Variants in ULK4 observed in about 807,000 individuals in gnomAD.
The protein encoded by ULK4 is inactive serine/threonine-protein kinase ULK4.
A neutral mutation model predicts 160.6 loss-of-function variants in ULK4; 133 were observed. That is an observed-to-expected ratio of 0.83 (90% confidence interval 0.72 to 0.96). The LOEUF (loss-of-function observed/expected upper bound fraction) is 0.96, where lower values mean the gene tolerates loss of function less well. Ranked by LOEUF, ULK4 falls within the 40% of genes least tolerant of loss-of-function variation. ULK4 has a pLI of 0.00. For missense variants in ULK4, 1,580 were observed against 1,499.5 expected (o/e 1.05, Z -0.89); for synonymous variants, 534 against 539.8 (o/e 0.99, Z 0.15).
At chr3:41,950,904 G>A (rs574776511) in intron 2 of ULK4, among the ~76,000 whole-genome samples, 1 of 151,688 alleles carries the variant, frequency 6.6e-6, no homozygotes, top group Admixed American at 6.6e-5. Flanking sequence ...CAGCACTTTG[G>A]GAGGCCGAAG....
chr3:41,511,596 T>C (rs1376098813), intron 32 of ULK4, among the ~76,000 whole-genome samples: 3 of 152,016 alleles, frequency 2.0e-5, no homozygotes, highest in Non-Finnish European at 2.9e-5. Flanking sequence ...CAGTAAGATA[T>C]AGAAACTCTG....
intron 2 of ULK4, among the ~76,000 whole-genome samples, chr3:41,950,735 G>C (rs1321564261): frequency 6.6e-6 from 1 of 151,924 alleles, no homozygotes; most frequent in African/African-American, 2.4e-5. Flanking sequence ...AGGAAATCAA[G>C]AAAACAACTT....
intron 27 of ULK4, among the ~76,000 whole-genome samples, chr3:41,685,210 C>T (rs935597094): frequency 1.3e-5 from 2 of 152,104 alleles, no homozygotes; most frequent in Non-Finnish European, 2.9e-5. Flanking sequence ...GACTGCTTGC[C>T]CTAAAAGGTT....
At chr3:41,547,845 C>A (rs1279054446) in intron 32 of ULK4, among the ~76,000 whole-genome samples, 1 of 152,166 alleles carries the variant, frequency 6.6e-6, no homozygotes, top group African/African-American at 2.4e-5. Context: ...ATGCGGTGTC[C>A]TACACCATGA....
intron 32 of ULK4, among the ~76,000 whole-genome samples, chr3:41,526,185 G>T (rs72619993): frequency 3.8e-3 from 202 of 53,826 alleles, no homozygotes; most frequent in African/African-American, 6.9e-3. Context: ...TGTATGATTC[G>T]TCTTCTTTTT....
chr3:41,674,877 G>A (rs1036280515), intron 29 of ULK4, among the ~76,000 whole-genome samples: 2 of 152,172 alleles, frequency 1.3e-5, no homozygotes, highest in Non-Finnish European at 2.9e-5. Context: ...CATGGGTTGA[G>A]TAATTGCCCC....
intron 29 of ULK4, among the ~76,000 whole-genome samples, chr3:41,668,452 T>C (rs2035423170): frequency 6.6e-6 from 1 of 152,256 alleles, no homozygotes. Context: ...TACCATTGTG[T>C]TACAGTTGCC....
chr3:41,532,447 T>G (rs750935571), intron 32 of ULK4, among the ~76,000 whole-genome samples: 15 of 152,252 alleles, frequency 9.9e-5, no homozygotes, highest in Non-Finnish European at 1.9e-4. Flanking sequence ...TCTAGCATCA[T>G]CTAACAAACT....
At chr3:41,707,989 T>C (rs1040021844) in intron 25 of ULK4, among the ~76,000 whole-genome samples, 1 of 151,976 alleles carries the variant, frequency 6.6e-6, no homozygotes, top group Non-Finnish European at 1.5e-5. Context: ...TAAGAATGGC[T>C]ATTATCAAAA....
intron 35 of ULK4, among the ~76,000 whole-genome samples, chr3:41,362,289 A>T (rs928326254): frequency 2.6e-5 from 4 of 152,046 alleles, no homozygotes; most frequent in African/African-American, 7.2e-5. Flanking sequence ...TTATTCTGGA[A>T]TTTTTTTTAG....
intron 21 of ULK4, among the ~76,000 whole-genome samples, chr3:41,772,673 C>T (rs2039437488): frequency 6.6e-6 from 1 of 152,162 alleles, no homozygotes; most frequent in Admixed American, 6.5e-5. Context: ...CCTTCTGAAA[C>T]TATTCCAATC....
At chr3:41,433,823 C>T (rs376732427) in intron 34 of ULK4, among the ~76,000 whole-genome samples, 5 of 152,256 alleles carry the variant, frequency 3.3e-5, no homozygotes, top group South Asian at 4.1e-4. Flanking sequence ...GGGTTCACGC[C>T]GTTCTCCTGC....
chr3:41,819,370 T>C (rs968963239), intron 19 of ULK4, 53 bp downstream of exon 19: 26 of 1,553,064 alleles, frequency 1.7e-5, no homozygotes, highest in Non-Finnish European at 2.2e-5. Context: ...ATACAGTGCC[T>C]GAAGGGTTAT....
chr3:41,376,166 C>T (rs1228003017), intron 35 of ULK4, among the ~76,000 whole-genome samples: 1 of 150,262 alleles, frequency 6.7e-6, no homozygotes, highest in Non-Finnish European at 1.5e-5. Flanking sequence ...GAAATTTACA[C>T]TGTTGGTGGG....
At chr3:41,898,741 T>G (rs1239951775) in intron 13 of ULK4, among the ~76,000 whole-genome samples, 1 of 152,234 alleles carries the variant, frequency 6.6e-6, no homozygotes, top group Non-Finnish European at 1.5e-5. Flanking sequence ...CACTCCTATC[T>G]TGGCTTACTT....
At chr3:41,935,209 A>ATT (rs10524611) in intron 4 of ULK4, among the ~76,000 whole-genome samples, 1 of 135,556 alleles carries the variant, frequency 7.4e-6, no homozygotes, top group Admixed American at 7.1e-5. Context: ...TTATTTATTT[A>ATT]TTTTTTTTTT....
intron 34 of ULK4, among the ~76,000 whole-genome samples, 199 bp downstream of exon 34, chr3:41,455,298 T>C (rs532351005): frequency 3.2e-4 from 49 of 152,334 alleles, no homozygotes; most frequent in African/African-American, 1.1e-3. Context: ...TACCTAAATA[T>C]CTATTTAAAT....
chr3:41,457,535 C>T (rs1457657363), intron 33 of ULK4, among the ~76,000 whole-genome samples: 1 of 152,132 alleles, frequency 6.6e-6, no homozygotes, highest in Non-Finnish European at 1.5e-5. Flanking sequence ...AGTACTGGCC[C>T]ACAAAGGAAG....
intron 31 of ULK4, among the ~76,000 whole-genome samples, chr3:41,599,933 A>G (rs1428161564): frequency 1.3e-5 from 2 of 152,212 alleles, no homozygotes; most frequent in Non-Finnish European, 2.9e-5. Context: ...AAAAAATATT[A>G]GTTACTGAAT....
Sources: allele counts gnomAD v4.1 joint callset (sites outside exome capture counted in the v4.1 genomes callset), GRCh38; gene constraint gnomAD v4.1.1; transcripts MANE v1.5; gene names NCBI Gene and HGNC (gene_info 2026-07-23, HGNC 2026-07-21).